The following DLEC1 variants were observed in gnomAD, a reference collection of about 807,000 sequenced individuals.
DLEC1 encodes DLEC1 cilia and flagella associated protein.
In DLEC1, 146 loss-of-function variants were observed where a neutral mutation model predicts 198.1. The ratio of observed to expected loss-of-function variants is 0.74; its 90% confidence interval spans 0.64 to 0.85. DLEC1 has a LOEUF of 0.85. Among genes scored for constraint, DLEC1 ranks in the 40% least tolerant of loss-of-function variants. The probability of loss-of-function intolerance (pLI) is 0.00; values close to 1 mark genes in which losing one functional copy is unlikely to be tolerated. For synonymous variants in DLEC1, 897 were observed against 866.8 expected (o/e 1.03, Z -0.61); for missense variants, 2,233 against 2,220.0 (o/e 1.01, Z -0.12).
rs1378043548 is a variant in DLEC1 at position 38,039,474 on chromosome 3, C to T, written c.249C>T (p.Arg83=). The T allele has an allele frequency of 5.0e-6, 8 of 1,614,036 alleles. No individual in the cohort carries two copies. Among genetic ancestry groups the T allele is most frequent in the South Asian group, 1.1e-5 (1 of 91,088 alleles). ...QRPEPQLLRL[R]PSSLRTQDIS... ...CCGAGCCTCAGCTGCTTCGTCTGCG[C>T]CCCTCCTCGCTGCGCACCCAAGATA... is the stretch of plus-strand genomic sequence containing the variant. Residue 83 remains arginine (R), a synonymous_variant, in exon 1 of 37, where the codon CGC becomes CGT. Transcript: ENST00000308059.
chr3:38,086,114 T>C, intron 8 of DLEC1, 127 bp from the exon 9 acceptor site: 4 of 1,339,754 alleles, frequency 3.0e-6, no homozygotes, highest in Non-Finnish European at 3.0e-6. Context: ...ACTCATCCTC[T>C]CTGCATAGGG....
At chr3:38,121,011 C>T (rs769193148) in intron 34 of DLEC1, among the ~76,000 whole-genome samples, 9 of 150,876 alleles carry the variant, frequency 6.0e-5, no homozygotes, top group African/African-American at 1.5e-4. Flanking sequence ...AGCACCAGGG[C>T]GAGCACCATG....
chr3:38,109,985 A>T, intron 22 of DLEC1, 114 bp from the exon 23 acceptor site: 1 of 1,206,818 alleles, frequency 8.3e-7, no homozygotes, highest in Non-Finnish European at 1.2e-6. Flanking sequence ...CAGGAGTCTG[A>T]GGATGAAGCC....
At chr3:38,072,465 A>G (rs1035317986) in intron 6 of DLEC1, among the ~76,000 whole-genome samples, 1 of 152,172 alleles carries the variant, frequency 6.6e-6, no homozygotes, top group African/African-American at 2.4e-5. Flanking sequence ...TTGTGTAAGA[A>G]TTCTGACTGC....
intron 18 of DLEC1, 90 bp downstream of exon 18, chr3:38,097,992 A>C: frequency 1.3e-6 from 2 of 1,517,486 alleles, no homozygotes; most frequent in Admixed American, 3.9e-5. Flanking sequence ...TGTTTAGATC[A>C]GAGCTTCGAG....
chr3:38,117,169 A>G (rs936533722), intron 30 of DLEC1, 39 bp from the exon 31 acceptor site: 3 of 1,614,082 alleles, frequency 1.9e-6, no homozygotes, highest in Non-Finnish European at 2.5e-6. Context: ...CTGCCTACTC[A>G]GCCCAGGGAT....
At chr3:38,098,251 C>A (rs1037667744) in intron 18 of DLEC1, among the ~76,000 whole-genome samples, 2 of 152,174 alleles carry the variant, frequency 1.3e-5, no homozygotes. Context: ...CAGCCGCATT[C>A]CCACCTCCTC....
In DLEC1 at chr3:38,117,919, G is replaced by C; in HGVS notation, c.4599G>C (p.Ala1533=). The stretch of plus-strand genomic sequence containing the variant: ...CCTTCTCCGTTTCTCAAGATGGGGC[G>C]AGCCAGGACCACAGAGCTCCTGGCC... ...SRPFSVSQDG[A]SQDHRAPGPG... Residue 1533 remains alanine (A), a synonymous_variant, in exon 33 of 37, where the codon GCG becomes GCC. Coordinates refer to ENST00000308059, the MANE Select transcript of DLEC1 (RefSeq NM_007335.4). 1 of 1,614,128 alleles carries C rather than the reference G, an allele frequency of 6.2e-7. No individual in the cohort carries two copies. Among genetic ancestry groups the C allele is most frequent in the Non-Finnish European group, 8.5e-7 (1 of 1,180,024 alleles).
At chr3:38,109,637 C>T (rs1699758808) in intron 22 of DLEC1, 75 bp downstream of exon 22, 2 of 1,602,572 alleles carry the variant, frequency 1.2e-6, no homozygotes, top group Admixed American at 1.7e-5. Flanking sequence ...ACCAGCACGG[C>T]ACTGTGGTAT....
intron 2 of DLEC1, among the ~76,000 whole-genome samples, chr3:38,056,770 A>C (rs1164721428): frequency 6.6e-6 from 1 of 152,262 alleles, no homozygotes; most frequent in African/African-American, 2.4e-5. Context: ...AAATATAACG[A>C]ACAGATTCAG....
intron 28 of DLEC1, 32 bp from the exon 29 acceptor site, chr3:38,116,737 GTGAC>G: frequency 1.2e-6 from 2 of 1,608,046 alleles, no homozygotes; most frequent in Non-Finnish European, 1.7e-6. Flanking sequence ...TTGAACCTCA[GTGAC>G]TGCGTGAACC....
At chr3:38,083,616 G>C (rs2125667187) in intron 6 of DLEC1, among the ~76,000 whole-genome samples, 1 of 151,970 alleles carries the variant, frequency 6.6e-6, no homozygotes, top group Admixed American at 6.6e-5. Flanking sequence ...AGTTAAGGTG[G>C]GGCAGGGCAT....
At chr3:38,054,287 G>T (rs1287354040) in intron 2 of DLEC1, among the ~76,000 whole-genome samples, 1 of 152,186 alleles carries the variant, frequency 6.6e-6, no homozygotes, top group Non-Finnish European at 1.5e-5. Flanking sequence ...GCGTGATCTG[G>T]AAAAGCTCAC....
At chr3:38,109,624 AGG>A in intron 22 of DLEC1, 62 bp downstream of exon 22, 4 of 1,609,442 alleles carry the variant, frequency 2.5e-6, no homozygotes, top group Non-Finnish European at 3.4e-6. Flanking sequence ...AGCCGCGCCC[AGG>A]ACCAGCACGG....
intron 2 of DLEC1, among the ~76,000 whole-genome samples, chr3:38,053,802 T>C (rs1299802681): frequency 6.6e-6 from 1 of 152,202 alleles, no homozygotes; most frequent in African/African-American, 2.4e-5. Context: ...TTGCTGTGTC[T>C]GTGTAGAAAG....
rs1433316167 is a variant in DLEC1 at position 38,097,564 on chromosome 3, C to T, written c.2492C>T (p.Thr831Ile). Residue 831 changes from threonine to isoleucine, a missense_variant, in exon 17 of 37, where the codon ACA becomes ATA. Physicochemically the swap from Thr to Ile is moderately conservative, Grantham distance 89. Coordinates refer to ENST00000308059, the MANE Select transcript of DLEC1 (RefSeq NM_007335.4). Reference protein sequence around the residue: ...LNFTGGVPGPTSQDLLCEIED... With the variant: ...LNFTGGVPGPISQDLLCEIED... ...TTTACTGGGGGTGTCCCTGGCCCCA[C>T]AAGCCAGGACCTGCTGTGTGAAATC... 5.0e-6 allele frequency: 8 copies of T among 1,614,216 alleles called. No homozygotes were observed. The highest frequency in any genetic ancestry group is 5.9e-6 in the Non-Finnish European group (7 of 1,180,042).
intron 12 of DLEC1, among the ~76,000 whole-genome samples, chr3:38,094,188 G>A (rs116118043): frequency 1.2e-3 from 186 of 152,150 alleles, no homozygotes; most frequent in African/African-American, 4.3e-3. Context: ...AGTCCCAGGG[G>A]CAGACAGACT....
chr3:38,039,341 C>T lies in DLEC1; in HGVS notation c.116C>T (p.Pro39Leu). 6.2e-7 allele frequency: 1 copy of T among 1,614,232 alleles called. No homozygotes were observed. Among genetic ancestry groups the T allele is most frequent in the Non-Finnish European group, 8.5e-7 (1 of 1,180,036 alleles). ...PPAGSSSPSQ[P>L]TWKSSLYSSL... is the part of the protein sequence containing the mutation. Reference sequence around the variant, plus strand: ...GCCGGGTCCAGCAGCCCCAGCCAGCCCACCTGGAAGTCCTCCTTGTATTCC... The same window carrying T: ...GCCGGGTCCAGCAGCCCCAGCCAGCTCACCTGGAAGTCCTCCTTGTATTCC... The change falls in exon 1 of 37, where the codon CCC (proline) becomes CTC (leucine). Residue 39 changes from proline to leucine, a missense_variant. By Grantham distance (98) the Pro-to-Leu change is moderately conservative. Coordinates refer to ENST00000308059, the MANE Select transcript of DLEC1 (RefSeq NM_007335.4).
intron 22 of DLEC1, 30 bp downstream of exon 22, chr3:38,109,592 G>A: frequency 6.2e-7 from 1 of 1,613,442 alleles, no homozygotes. Flanking sequence ...TCTGGGGGTG[G>A]CAGTGGACTG....
Sources: gnomAD v4.1 joint callset for allele counts (sites outside exome capture counted in the v4.1 genomes callset) on GRCh38, gnomAD v4.1.1 for gene constraint, MANE v1.5 for transcripts, NCBI Gene and HGNC (gene_info 2026-07-23, HGNC 2026-07-21) for gene names.